DIS3L2: variants seen among roughly 807,000 people sequenced by gnomAD.
DIS3L2 encodes DIS3 like 3'-5' exoribonuclease 2.
DIS3L2 carries 34 observed loss-of-function variants against 97.5 expected under a neutral mutation model. The ratio of observed to expected loss-of-function variants is 0.35; its 90% CI spans 0.27 to 0.46. The LOEUF (loss-of-function observed/expected upper bound fraction) is 0.46, where lower values mean the gene tolerates loss of function less well. Ranked by LOEUF, DIS3L2 falls within the 20% of genes least tolerant of loss-of-function variation. The pLI is 1.00. For missense variants in DIS3L2, 1,038 were observed against 1,146.0 expected, an observed-to-expected ratio of 0.91 and a Z score of 1.36; for synonymous variants, 435 against 445.2, an observed-to-expected ratio of 0.98 and a Z score of 0.29.
At chr2:232,079,197 A>G (rs760755294) in intron 5 of DIS3L2, among the ~76,000 whole-genome samples, 10 of 152,218 alleles carry the variant, frequency 6.6e-5, no homozygotes, top group Non-Finnish European at 1.3e-4. Flanking sequence ...ACAGCAGTGA[A>G]TAGAATAGAT....
chr2:232,319,756 C>T (rs1695374251), intron 14 of DIS3L2, among the ~76,000 whole-genome samples: 1 of 152,230 alleles, frequency 6.6e-6, no homozygotes, highest in Non-Finnish European at 1.5e-5. Flanking sequence ...CAGGGCTGCC[C>T]TCTGCAACCC....
At chr2:232,012,745 G>T (rs1318782521) in intron 1 of DIS3L2, among the ~76,000 whole-genome samples, 1 of 151,962 alleles carries the variant, frequency 6.6e-6, no homozygotes, top group African/African-American at 2.4e-5. Flanking sequence ...ATTTTGTCAG[G>T]GTAAGAGTGC....
At chr2:232,154,819 G>A (rs1452433990) in intron 8 of DIS3L2, among the ~76,000 whole-genome samples, 1 of 126,834 alleles carries the variant, frequency 7.9e-6, no homozygotes, top group African/African-American at 2.9e-5. Flanking sequence ...CCGCCTTGCA[G>A]TTTGATCTCA....
intron 14 of DIS3L2, among the ~76,000 whole-genome samples, chr2:232,308,881 G>A (rs564298703): frequency 2.5e-4 from 38 of 152,160 alleles, no homozygotes; most frequent in Non-Finnish European, 4.6e-4. Flanking sequence ...ACCACACTGC[G>A]GTTCTCTGTT....
intron 9 of DIS3L2, among the ~76,000 whole-genome samples, chr2:232,171,361 A>G (rs1289743104): frequency 6.6e-6 from 1 of 152,172 alleles, no homozygotes; most frequent in Admixed American, 6.5e-5. Flanking sequence ...TGAACTAGGT[A>G]TTTCAAACCC....
intron 8 of DIS3L2, among the ~76,000 whole-genome samples, chr2:232,157,698 G>T (rs1432314224): frequency 1.3e-5 from 2 of 152,138 alleles, no homozygotes; most frequent in Admixed American, 6.5e-5. Context: ...GTAGTTGGGG[G>T]TCCTCCTGGC....
intron 17 of DIS3L2, 40 bp downstream of exon 17, chr2:232,334,027 C>G (rs780623473): frequency 1.3e-5 from 20 of 1,577,754 alleles, no homozygotes; most frequent in Non-Finnish European, 1.3e-5. Context: ...CCTGGGCCAG[C>G]TCAGGGCTGC....
chr2:232,283,133 A>G (rs986852040), intron 13 of DIS3L2, among the ~76,000 whole-genome samples: 1 of 152,240 alleles, frequency 6.6e-6, no homozygotes, highest in Admixed American at 6.5e-5. Context: ...CAGTTTGCCA[A>G]GTGCTTTCAC....
intron 8 of DIS3L2, among the ~76,000 whole-genome samples, chr2:232,154,745 C>G (rs1290406712): frequency 6.7e-6 from 1 of 149,708 alleles, no homozygotes; most frequent in African/African-American, 2.5e-5. Flanking sequence ...TTGGAGCTTC[C>G]CAGCTGCTTT....
At chr2:232,249,463 A>G (rs1283380559) in intron 12 of DIS3L2, 117 bp downstream of exon 12, 1 of 1,083,720 alleles carries the variant, frequency 9.2e-7, no homozygotes, top group Non-Finnish European at 1.4e-6. Flanking sequence ...CAAGGGAGGT[A>G]TGGAGTAGCC....
At chr2:232,203,688 C>T (rs1182176342) in intron 9 of DIS3L2, among the ~76,000 whole-genome samples, 1 of 152,184 alleles carries the variant, frequency 6.6e-6, no homozygotes, top group African/African-American at 2.4e-5. Context: ...CCATAAGTGG[C>T]CACCAACATG....
intron 4 of DIS3L2, among the ~76,000 whole-genome samples, chr2:232,027,702 C>A (rs1406761101): frequency 6.6e-6 from 1 of 152,118 alleles, no homozygotes; most frequent in Non-Finnish European, 1.5e-5. Flanking sequence ...GGGAACTTGA[C>A]TTAGGTTCAT....
At chr2:232,051,836 A>C (rs1264535647) in intron 5 of DIS3L2, among the ~76,000 whole-genome samples, 1 of 150,010 alleles carries the variant, frequency 6.7e-6, no homozygotes, top group African/African-American at 2.4e-5. Context: ...AAAAAAAAAA[A>C]AAAGAACTAG....
chr2:232,190,093 T>C (rs989587731), intron 9 of DIS3L2, among the ~76,000 whole-genome samples: 1 of 152,154 alleles, frequency 6.6e-6, no homozygotes, highest in Non-Finnish European at 1.5e-5. Flanking sequence ...TTTGGGAGAC[T>C]GAGACAGGAA....
intron 1 of DIS3L2, among the ~76,000 whole-genome samples, chr2:231,990,229 C>T (rs914568235): frequency 1.3e-5 from 2 of 151,194 alleles, no homozygotes; most frequent in African/African-American, 2.4e-5. Context: ...TAATTAGTCT[C>T]TATTGTTTTG....
intron 16 of DIS3L2, among the ~76,000 whole-genome samples, chr2:232,333,033 C>CT (rs1695793054): frequency 6.6e-6 from 1 of 151,918 alleles, no homozygotes; most frequent in African/African-American, 2.4e-5. Flanking sequence ...TTGGCTTCTG[C>CT]TTGTGTCTCC....
chr2:232,256,045 C>T (rs1693554284), intron 12 of DIS3L2, among the ~76,000 whole-genome samples: 1 of 152,212 alleles, frequency 6.6e-6, no homozygotes, highest in Middle Eastern at 3.2e-3. Context: ...TCTTGCCCCA[C>T]GTCATCTCCT....
intron 14 of DIS3L2, among the ~76,000 whole-genome samples, chr2:232,315,046 T>G (rs1232367468): frequency 2.6e-5 from 4 of 152,200 alleles, no homozygotes. Flanking sequence ...CATGCTAAGC[T>G]TTTTAAGCAG....
intron 11 of DIS3L2, among the ~76,000 whole-genome samples, chr2:232,244,758 C>T (rs770803669): frequency 6.6e-5 from 10 of 152,116 alleles, no homozygotes; most frequent in Non-Finnish European, 1.2e-4. Context: ...ATTGGGAAGG[C>T]AGTCAGGTAA....
Sources: gnomAD v4.1 joint callset for allele counts (sites outside exome capture counted in the v4.1 genomes callset) on GRCh38, gnomAD v4.1.1 for gene constraint, MANE v1.5 for transcripts, NCBI Gene and HGNC (gene_info 2026-07-23, HGNC 2026-07-21) for gene names.